Variants in ZAN observed in about 807,000 individuals in gnomAD.
ZAN encodes zonadhesin, also known as zonadhesin (gene/pseudogene).
In ZAN, 260 loss-of-function variants were observed where a neutral mutation model predicts 286.2. The ratio of observed to expected loss-of-function variants is 0.91; its 90% CI spans 0.82 to 1.01. The LOEUF is 1.01. Among genes scored for constraint, ZAN ranks in the 50% least tolerant of loss-of-function variants. The pLI is 0.00. For missense variants in ZAN, 3,410 were observed against 3,639.2 expected (o/e 0.94, Z 1.62); for synonymous variants, 1,368 against 1,417.5 (o/e 0.97, Z 0.79).
chr7:100,795,400 A>G lies in ZAN; in HGVS notation c.8266+64A>G, dbSNP rs970929135. 1.8e-4 allele frequency: 257 copies of G among 1,420,514 alleles called. 3 individuals are homozygous for G. In the South Asian group the frequency reaches 2.4e-3, roughly 13 times the overall value. 88.0% of individuals were successfully genotyped at this position (1,420,514 alleles called of 1,614,324 possible). A position where few individuals can be genotyped will look rare whatever the true frequency, so the allele number is the denominator to read the frequency against. On this transcript the variant is annotated intron_variant, in intron 45 of 47. Transcript: ENST00000613979. ...CTTCCTGGCCGACAACCACAGAATGATTCTATATGTATTATATTCACATAT... is the reference window on the plus strand; with the variant it reads ...CTTCCTGGCCGACAACCACAGAATGGTTCTATATGTATTATATTCACATAT...
At chr7:100,748,239 C>G (rs367657590) in intron 10 of ZAN, 24 bp downstream of exon 10, 11 of 1,613,786 alleles carry the variant, frequency 6.8e-6, no homozygotes, top group Non-Finnish European at 9.3e-6. Flanking sequence ...CTGAGAGGCC[C>G]GGATCTCTCA....
chr7:100,794,332 C>A, intron 44 of ZAN, 74 bp downstream of exon 44: 1 of 1,519,906 alleles, frequency 6.6e-7, no homozygotes, highest in Non-Finnish European at 8.8e-7. Context: ...ATCGTCCCCT[C>A]CTTGTCCTCA....
chr7:100,751,839 T>TGTCA lies in ZAN; in HGVS notation c.1735_1738dup (p.Thr580SerfsTer88). On this transcript the variant is annotated frameshift_variant, in exon 14 of 48. Coordinates refer to ENST00000613979, the MANE Select transcript of ZAN (RefSeq NM_003386.3). LOFTEE classifies it high-confidence loss of function. Reference sequence around the variant, plus strand: ...CTACAGTTTCCATAGAAAAACCCAGTGTCACCACAGAAAAGCCCACAGTCC... The same window carrying TGTCA: ...CTACAGTTTCCATAGAAAAACCCAGTGTCAGTCACCACAGAAAAGCCCACAGTCC... 6.2e-7 allele frequency: 1 copy of TGTCA among 1,611,390 alleles called. No homozygotes were observed. The highest frequency in any genetic ancestry group is 2.2e-5 in the East Asian group (1 of 44,810).
chr7:100,759,637 C>A, intron 17 of ZAN, 84 bp from the exon 18 acceptor site: 1 of 1,365,458 alleles, frequency 7.3e-7, no homozygotes, highest in Non-Finnish European at 9.5e-7. Context: ...TCATCTCTCC[C>A]TGCGGCGCCA....
chr7:100,752,613 T>A lies in ZAN; in HGVS notation c.2508T>A (p.Thr836=), dbSNP rs1391765068. ...AAACCACCACCTCTGTTGAAGAGAC[T>A]ACCATCTCTACAGAAAAACTCACCA... ...TEETTTSVEE[T]TISTEKLTIP... is the part of the protein sequence containing the mutation. The change falls in exon 14 of 48, where the codon ACT becomes ACA. Residue 836 remains threonine, a synonymous_variant. Coordinates refer to ENST00000613979, the MANE Select transcript of ZAN (RefSeq NM_003386.3). 2 of 1,579,322 alleles carry A rather than the reference T, an allele frequency of 1.3e-6. No homozygotes were observed. The highest frequency in any genetic ancestry group is 2.2e-5 in the South Asian group (2 of 89,854).
Position 100,752,359 on chromosome 7 carries a change from C to G in ZAN, c.2254C>G (p.Pro752Ala), listed in dbSNP as rs781286626. Residue 752 changes from proline to alanine, a missense_variant, in exon 14 of 48, where the codon CCC becomes GCC. Coordinates refer to ENST00000613979, the MANE Select transcript of ZAN (RefSeq NM_003386.3). Reference sequence around the variant, plus strand: ...AAAACCCACCATCCCCACAGAAAAACCCACCATCTCCCCAGAAAAACCCAC... The same window carrying G: ...AAAACCCACCATCCCCACAGAAAAAGCCACCATCTCCCCAGAAAAACCCAC... ...TEKPTIPTEK[P>A]TISPEKPTTP... 1.1e-5 allele frequency: 17 copies of G among 1,547,642 alleles called. No homozygotes were observed. The highest frequency in any genetic ancestry group is 1.4e-5 in the Non-Finnish European group (16 of 1,144,028).
chr7:100,790,986 T>C lies in ZAN; in HGVS notation c.7402T>C (p.Cys2468Arg). The change falls in exon 40 of 48, where the codon TGC (cysteine) becomes CGC (arginine). Residue 2468 changes from cysteine to arginine, a missense_variant. Around this residue, in one of 7 missense-constraint regions of ZAN, gnomAD observed 1,289 missense variants for 1,314.3 expected, o/e 0.98. Coordinates refer to ENST00000613979, the MANE Select transcript of ZAN (RefSeq NM_003386.3). The part of the protein sequence containing the change: ...SMYEGLVSGL[C>R]GNYDKNRKND... ...GTACGAGGGGCTTGTGAGTGGCCTG[T>C]GCGGAAACTACGACAAGAACCGCAA... The C allele has an allele frequency of 3.1e-6, 5 of 1,611,912 alleles. No individual in the cohort carries two copies. Among genetic ancestry groups the C allele is most frequent in the Non-Finnish European group, 4.2e-6 (5 of 1,179,250 alleles).
rs755013926 is a variant in ZAN, at chr7:100,737,268, T to C, written c.532T>C (p.Phe178Leu). Residue 178 changes from phenylalanine to leucine, a missense_variant, in exon 6 of 48, where the codon TTT (phenylalanine) becomes CTT (leucine). By Grantham distance (22) the Phe-to-Leu change is conservative. Transcript: ENST00000613979. The part of the protein sequence containing the change: ...AGFTLPTRLM[F>L]EGTRGSTAYL... ...TCCCCTTATCCTCTTGCAGCTGATG[T>C]TTGAGGGAACACGGGGTAGCACTGC... 6.7e-7 allele frequency: 1 copy of C among 1,484,526 alleles called. No homozygotes were observed. Among genetic ancestry groups the C allele is most frequent in the Non-Finnish European group, 9.2e-7 (1 of 1,086,136 alleles). 92.0% of individuals were successfully genotyped at this position (1,484,526 alleles called of 1,614,324 possible).
intron 37 of ZAN, among the ~76,000 whole-genome samples, chr7:100,787,156 TTA>T (rs1811612775): frequency 6.6e-6 from 1 of 151,906 alleles, no homozygotes; most frequent in African/African-American, 2.4e-5. Flanking sequence ...GCTTGGTGGC[TTA>T]TGCCTGTAAT....
At chr7:100,768,305 C>G (rs1378982786) in intron 26 of ZAN, among the ~76,000 whole-genome samples, 4 of 152,158 alleles carry the variant, frequency 2.6e-5, no homozygotes, top group African/African-American at 9.6e-5. Context: ...AAACCTGTCT[C>G]TACTAAAAAT....
rs1248764141 is a variant in ZAN, at chr7:100,795,106, CCCCGGGCGT to C, written c.8126-86_8126-78del. 10 of 1,470,572 alleles carry C rather than the reference CCCCGGGCGT, an allele frequency of 6.8e-6. No homozygotes were observed. The Admixed American group carries it at 8.9e-5, about 13-fold the overall frequency. The allele number at this position is 1,470,572 out of a possible 1,614,324, so 91.1% of individuals were successfully genotyped here. On this transcript the variant is annotated intron_variant, in intron 44 of 47. Coordinates refer to ENST00000613979, the MANE Select transcript of ZAN (RefSeq NM_003386.3). The stretch of plus-strand genomic sequence containing the variant: ...CAGTCTCTGGCAGCCGCTGCTTTCT[CCCCGGGCGT>C]CCCAGCCCCCAGCCAGGCCTTCCCT...
In ZAN at chr7:100,797,762, A is replaced by G. The variant is rs563503627; in HGVS notation, c.*30A>G. On this transcript the variant is annotated 3_prime_UTR_variant, in exon 48 of 48. Coordinates refer to ENST00000613979, the MANE Select transcript of ZAN (RefSeq NM_003386.3). ...CTCAGTTTTGAGCTGTCTTCAGACA[A>G]GAAGATTAAATAAATTTATATATTT... The G allele has an allele frequency of 2.7e-5, 43 of 1,611,800 alleles. No homozygotes were observed. The South Asian group carries it at 4.3e-4, about 16-fold the overall frequency.
At chr7:100,751,354 TC>T in intron 13 of ZAN, 88 bp downstream of exon 13, 1 of 938,554 alleles carries the variant, frequency 1.1e-6, no homozygotes, top group Non-Finnish European at 1.5e-6. Flanking sequence ...ATGTGAGTCC[TC>T]CCTGGAGCCC....
rs755811605 is a variant in ZAN, at chr7:100,792,069, C to T, written c.7633C>T (p.Gln2545Ter). Residue 2545 changes from glutamine (Q) to a stop codon, truncating the protein, a stop_gained, in exon 41 of 48, where the codon CAG becomes TAG. Transcript: ENST00000613979. LOFTEE classifies it high-confidence loss of function. ...SPEQLASNST[Q>*]ACRVLADPQG... ...GGAGCAGCTGGCGAGCAACAGCACC[C>T]AGGCCTGTAGGGTGCTGGCAGACCC... is the stretch of plus-strand genomic sequence containing the variant. 6.2e-7 allele frequency: 1 copy of T among 1,613,206 alleles called. No individual in the cohort carries two copies. The highest frequency in any genetic ancestry group is 1.7e-5 in the Admixed American group (1 of 59,976).
At chr7:100,796,351 G>A (rs1812361710) in intron 45 of ZAN, among the ~76,000 whole-genome samples, 1 of 150,962 alleles carries the variant, frequency 6.6e-6, no homozygotes, top group Non-Finnish European at 1.5e-5. Flanking sequence ...GGTAACTTGT[G>A]TACATGTATA....
At chr7:100,795,408 T>G in intron 45 of ZAN, 72 bp downstream of exon 45, 1 of 1,379,236 alleles carries the variant, frequency 7.3e-7, no homozygotes, top group Non-Finnish European at 9.5e-7. Context: ...TGATTCTATA[T>G]GTATTATATT....
At chr7:100,754,819 G>A (rs1809030649) in intron 14 of ZAN, among the ~76,000 whole-genome samples, 1 of 152,094 alleles carries the variant, frequency 6.6e-6, no homozygotes, top group Admixed American at 6.5e-5. Context: ...GTGAGCCACT[G>A]TGCCCGGCTC....
At chr7:100,772,228 T>A (rs543252914) in intron 29 of ZAN, among the ~76,000 whole-genome samples, 1 of 147,500 alleles carries the variant, frequency 6.8e-6, no homozygotes, top group Non-Finnish European at 1.5e-5. Context: ...GGTCAGGAGT[T>A]GGAGACCAGC....
In ZAN at chr7:100,766,592, G is replaced by A. The variant is rs774341274; in HGVS notation, c.4538G>A (p.Arg1513His). The change falls in exon 24 of 48, where the codon CGC becomes CAC. Residue 1513 changes from arginine (R) to histidine (H), a missense_variant. By Grantham distance (29) the Arg-to-His change is conservative. Transcript: ENST00000613979. ...GTCTGTGAAAGCAACAACAGAATTC[G>A]CTGCCAGCCCTGGAGGTGTAGGGCC... ...LCVCESNNRI[R>H]CQPWRCRAQE... The A allele has an allele frequency of 1.2e-5, 19 of 1,553,468 alleles. No homozygotes were observed. The highest frequency in any genetic ancestry group is 1.7e-5 in the Non-Finnish European group (19 of 1,148,162).
Sources: gnomAD v4.1 joint callset for allele counts (sites outside exome capture counted in the v4.1 genomes callset) on GRCh38, gnomAD v4.1.1 for gene constraint, gnomAD v4.1.1 regional missense constraint, MANE v1.5 for transcripts, NCBI Gene and HGNC (gene_info 2026-07-23, HGNC 2026-07-21) for gene names.